RAB5A: variants seen among roughly 807,000 people sequenced by gnomAD.
RAB5A encodes the protein ras-related protein Rab-5A.
RAB5A carries 8 observed loss-of-function variants against 25.7 expected under a neutral mutation model. The observed-to-expected ratio is 0.31, with a 90% confidence interval of 0.18 to 0.56. RAB5A has a LOEUF of 0.56. Among genes scored for constraint, RAB5A ranks in the 20% least tolerant of loss-of-function variants. The pLI is 0.91. For missense variants in RAB5A, 192 were observed against 259.7 expected, an observed-to-expected ratio of 0.74 and a Z score of 1.79; for synonymous variants, 98 against 89.8, an observed-to-expected ratio of 1.09 and a Z score of -0.52.
intron 2 of RAB5A, among the ~76,000 whole-genome samples, chr3:19,952,176 C>G (rs1280554090): frequency 6.6e-6 from 1 of 152,030 alleles, no homozygotes; most frequent in Non-Finnish European, 1.5e-5. Context: ...GAGAACCCAT[C>G]TCTTAAAAAA....
chr3:19,967,841 C>G (rs1264116894), intron 2 of RAB5A, among the ~76,000 whole-genome samples: 1 of 152,150 alleles, frequency 6.6e-6, no homozygotes, highest in Non-Finnish European at 1.5e-5. Flanking sequence ...TCACGACTGT[C>G]GCTTCTGCAG....
intron 2 of RAB5A, chr3:19,970,837 G>A (rs1696739233): frequency 6.7e-6 from 2 of 296,746 alleles, no homozygotes; most frequent in Admixed American, 4.6e-5. Context: ...GGAGCACTGA[G>A]GATTTGAAGA....
In RAB5A at chr3:19,950,856, T is replaced by G. The variant is rs755357753; in HGVS notation, c.-43T>G. 3 of 1,574,566 alleles carry G rather than the reference T, an allele frequency of 1.9e-6. No homozygotes were observed. On this transcript the variant is annotated 5_prime_UTR_variant, in exon 2 of 6. Coordinates refer to ENST00000273047, the MANE Select transcript of RAB5A (RefSeq NM_004162.5). ...TATTGGCCCCTTGAATTCTGGAAGT[T>G]CATTGAAGAGTCTGAAATTAGGGAC...
intron 2 of RAB5A, among the ~76,000 whole-genome samples, chr3:19,973,041 C>T (rs778815493): frequency 4.6e-5 from 7 of 152,132 alleles, no homozygotes; most frequent in Non-Finnish European, 7.4e-5. Flanking sequence ...ATGTGGATGA[C>T]GTGAGGTGCA....
intron 2 of RAB5A, among the ~76,000 whole-genome samples, chr3:19,968,692 CTCAAGTGA>C (rs1696694461): frequency 6.6e-6 from 1 of 152,284 alleles, no homozygotes; most frequent in Admixed American, 6.5e-5. Context: ...AACTCTGGGC[CTCAAGTGA>C]TCCTCCTGCC....
At chr3:19,974,654 T>C (rs1696796391) in intron 2 of RAB5A, among the ~76,000 whole-genome samples, 1 of 146,746 alleles carries the variant, frequency 6.8e-6, no homozygotes, top group African/African-American at 2.6e-5. Flanking sequence ...GTACGGTGGC[T>C]CACGCCTATA....
intron 5 of RAB5A, among the ~76,000 whole-genome samples, chr3:19,980,413 T>C (rs1559493387): frequency 6.6e-6 from 1 of 151,952 alleles, no homozygotes; most frequent in Non-Finnish European, 1.5e-5. Flanking sequence ...AATGGAATTG[T>C]GGCCTTTCCA....
At position 19,968,882 on chromosome 3, in the gene RAB5A, A is replaced by C. The variant is rs566048921; in HGVS notation, c.164-6719A>C. On this transcript the variant is annotated intron_variant, in intron 2 of 5. Coordinates refer to ENST00000273047, the MANE Select transcript of RAB5A (RefSeq NM_004162.5). ...CTACCTACTCTCCTGCCCTCACACTATCTTTTGGAATTTTAGTGAGATTAT... is the reference window on the plus strand; with the variant it reads ...CTACCTACTCTCCTGCCCTCACACTCTCTTTTGGAATTTTAGTGAGATTAT... 2.9e-3 allele frequency among the ~76,000 whole-genome samples: 447 copies of C among 152,274 alleles called. 3 individuals are homozygous for C. Among genetic ancestry groups the C allele is most frequent in the African/African-American group, 0.01 (436 of 41,556 alleles).
At chr3:19,966,614 A>G (rs925795731) in intron 2 of RAB5A, among the ~76,000 whole-genome samples, 6 of 152,308 alleles carry the variant, frequency 3.9e-5, no homozygotes, top group Admixed American at 3.9e-4. Flanking sequence ...AAATCTCTAT[A>G]CAGTTTTCCA....
chr3:19,959,548 C>A (rs1230061124), intron 2 of RAB5A, among the ~76,000 whole-genome samples: 1 of 151,540 alleles, frequency 6.6e-6, no homozygotes, highest in Non-Finnish European at 1.5e-5. Context: ...ATTTGCATAA[C>A]CTTTAGTGCA....
chr3:19,977,327 G>A (rs149222103), intron 4 of RAB5A, among the ~76,000 whole-genome samples: 7 of 152,230 alleles, frequency 4.6e-5, no homozygotes, highest in African/African-American at 9.6e-5. Context: ...ACCCGCCTCC[G>A]CCTCCAAAAG....
chr3:19,964,220 A>T (rs535724148), intron 2 of RAB5A, among the ~76,000 whole-genome samples: 1 of 152,260 alleles, frequency 6.6e-6, no homozygotes, highest in Admixed American at 6.5e-5. Flanking sequence ...TATAGATAAA[A>T]TGTCTTTTGT....
chr3:19,979,476 G>A (rs529065357), intron 5 of RAB5A, among the ~76,000 whole-genome samples: 12 of 145,440 alleles, frequency 8.3e-5, no homozygotes, highest in East Asian at 2.1e-4. Context: ...TAGTAGAGAC[G>A]GGGTTTCACC....
chr3:19,965,195 T>C (rs961079066), intron 2 of RAB5A, among the ~76,000 whole-genome samples: 4 of 152,198 alleles, frequency 2.6e-5, no homozygotes, highest in Non-Finnish European at 5.9e-5. Flanking sequence ...ATGCTGGGAT[T>C]ACAGGTGTGA....
intron 4 of RAB5A, 33 bp downstream of exon 4, chr3:19,976,202 C>G: frequency 6.3e-7 from 1 of 1,584,742 alleles, no homozygotes; most frequent in Non-Finnish European, 8.6e-7. Flanking sequence ...TTGAAAGGCA[C>G]TTTTTTCCTG....
chr3:19,969,030 G>GTTTTTTTTTTTTTTTT (rs202101955), intron 2 of RAB5A, among the ~76,000 whole-genome samples: 11 of 112,130 alleles, frequency 9.8e-5, no homozygotes, highest in Non-Finnish European at 1.4e-4. Context: ...TTTTGGTTTT[G>GTTTTTTTTTTTTTTTT]GTTTTTTTTT....
intron 2 of RAB5A, chr3:19,970,546 A>G: frequency 2.2e-6 from 1 of 456,714 alleles, no homozygotes; most frequent in South Asian, 1.5e-5. Context: ...TCGCGTACAC[A>G]GTAACTCTCG....
intron 2 of RAB5A, 98 bp downstream of exon 2, chr3:19,951,159 G>A: frequency 7.3e-7 from 1 of 1,368,350 alleles, no homozygotes; most frequent in Non-Finnish European, 9.9e-7. Context: ...AGCTAAATAA[G>A]TCATAGAGTG....
intron 5 of RAB5A, among the ~76,000 whole-genome samples, chr3:19,981,654 A>G (rs1696930351): frequency 1.3e-5 from 2 of 151,864 alleles, no homozygotes; most frequent in South Asian, 4.2e-4. Flanking sequence ...ACAACTTAGG[A>G]TGGATATATC....
Sources: gnomAD v4.1 joint callset for allele counts (sites outside exome capture counted in the v4.1 genomes callset) on GRCh38, gnomAD v4.1.1 for gene constraint, MANE v1.5 for transcripts, NCBI Gene and HGNC (gene_info 2026-07-23, HGNC 2026-07-21) for gene names.